Variants in DLGAP2 observed in about 807,000 individuals in gnomAD.
DLGAP2 encodes the protein disks large-associated protein 2.
DLGAP2 carries 26 observed loss-of-function variants against 100.3 expected under a neutral mutation model. That is an observed-to-expected ratio of 0.26 (90% CI 0.19 to 0.36). The LOEUF (loss-of-function observed/expected upper bound fraction) is 0.36, where lower values mean the gene tolerates loss of function less well. Among genes scored for constraint, DLGAP2 ranks in the 10% least tolerant of loss-of-function variants. The pLI is 1.00. For synonymous variants in DLGAP2, 886 were observed against 630.1 expected (o/e 1.41, Z -6.08); for missense variants, 1,858 against 1,453.2 (o/e 1.28, Z -4.53).
chr8:1,344,051 C>T (rs1801483387), intron 3 of DLGAP2, among the ~76,000 whole-genome samples: 2 of 109,260 alleles, frequency 1.8e-5, no homozygotes, highest in South Asian at 6.4e-4. Context: ...CAGGTCCTGT[C>T]TTTACAGTAA....
chr8:1,408,172 A>G (rs1170357098), intron 3 of DLGAP2, among the ~76,000 whole-genome samples: 1 of 152,180 alleles, frequency 6.6e-6, no homozygotes, highest in South Asian at 2.1e-4. Flanking sequence ...TCCAGCTAGC[A>G]TTTTATTCCC....
chr8:1,169,350 G>T (rs1295127342), intron 2 of DLGAP2, among the ~76,000 whole-genome samples: 3 of 152,176 alleles, frequency 2.0e-5, no homozygotes, highest in Non-Finnish European at 4.4e-5. Context: ...GCTTAGGATT[G>T]ACTTGGCGAT....
chr8:1,536,978 C>T (rs1377391587), intron 4 of DLGAP2, among the ~76,000 whole-genome samples: 1 of 152,056 alleles, frequency 6.6e-6, no homozygotes, highest in Non-Finnish European at 1.5e-5. Context: ...TAATGCTCAC[C>T]ACGACCCTCC....
chr8:1,344,666 T>C (rs1563095439), intron 3 of DLGAP2, among the ~76,000 whole-genome samples: 1 of 152,148 alleles, frequency 6.6e-6, no homozygotes, highest in South Asian at 2.1e-4. Flanking sequence ...GCTCCACTCA[T>C]TCTCCACTCA....
intron 2 of DLGAP2, among the ~76,000 whole-genome samples, chr8:1,010,299 GAT>G (rs1373240403): frequency 8.1e-5 from 10 of 124,164 alleles, no homozygotes; most frequent in African/African-American, 3.3e-4. Flanking sequence ...TGTACACTCA[GAT>G]ATCAGTTTTA....
chr8:1,553,050 C>T (rs1250525157), intron 5 of DLGAP2, among the ~76,000 whole-genome samples: 2 of 152,214 alleles, frequency 1.3e-5, no homozygotes, highest in Non-Finnish European at 2.9e-5. Flanking sequence ...TCCACCGAAA[C>T]TCCCAGGGAC....
intron 2 of DLGAP2, among the ~76,000 whole-genome samples, chr8:1,145,187 C>A (rs926330514): frequency 5.9e-5 from 9 of 152,104 alleles, no homozygotes; most frequent in Non-Finnish European, 1.2e-4. Context: ...CCCCCAGCCA[C>A]CATCCAGAAA....
chr8:1,073,223 T>C (rs1029505596), intron 2 of DLGAP2, among the ~76,000 whole-genome samples: 9 of 152,226 alleles, frequency 5.9e-5, no homozygotes, highest in Non-Finnish European at 1.0e-4. Context: ...CTTTCTCTTC[T>C]GCTATTGGAA....
intron 3 of DLGAP2, among the ~76,000 whole-genome samples, chr8:1,446,265 T>A (rs1340627565): frequency 6.6e-6 from 1 of 152,220 alleles, no homozygotes; most frequent in East Asian, 1.9e-4. Flanking sequence ...AATTAATTTT[T>A]GTATAAGGTG....
chr8:1,250,200 C>T (rs545662992), intron 2 of DLGAP2, among the ~76,000 whole-genome samples: 64 of 117,288 alleles, frequency 5.5e-4, no homozygotes, highest in South Asian at 1.8e-3. Flanking sequence ...GCTAAGCTCA[C>T]TGTGAAGATA....
intron 2 of DLGAP2, among the ~76,000 whole-genome samples, chr8:1,153,539 C>T (rs904300516): frequency 8.6e-5 from 13 of 151,894 alleles, no homozygotes; most frequent in African/African-American, 2.4e-4. Flanking sequence ...GTATATGGTG[C>T]CCACCGAGTT....
chr8:1,632,558 C>G (rs1029308502), intron 7 of DLGAP2, among the ~76,000 whole-genome samples: 2 of 152,210 alleles, frequency 1.3e-5, no homozygotes, highest in Admixed American at 1.3e-4. Flanking sequence ...TTTGTAATAA[C>G]TGTCAGCCTT....
chr8:1,196,216 C>T (rs1027931114), intron 2 of DLGAP2, among the ~76,000 whole-genome samples: 4 of 152,242 alleles, frequency 2.6e-5, no homozygotes, highest in African/African-American at 9.6e-5. Flanking sequence ...AAATATCCTT[C>T]AATTCTTTTA....
chr8:1,139,030 G>A (rs968108825), intron 2 of DLGAP2, among the ~76,000 whole-genome samples: 3 of 152,242 alleles, frequency 2.0e-5, no homozygotes, highest in African/African-American at 4.8e-5. Flanking sequence ...GGCTGGTTAC[G>A]CACTGTTCTA....
chr8:947,793 T>C (rs7009492), intron 2 of DLGAP2, among the ~76,000 whole-genome samples: 8,092 of 152,042 alleles, frequency 0.053, 721 homozygotes, highest in African/African-American at 0.19. Flanking sequence ...GCATGTGCCA[T>C]GGCTCCCCGA....
chr8:1,645,195 T>C (rs750327818), intron 8 of DLGAP2, among the ~76,000 whole-genome samples: 3 of 152,258 alleles, frequency 2.0e-5, no homozygotes, highest in Non-Finnish European at 4.4e-5. Context: ...GACTTAAAGA[T>C]GGTTGGACTT....
In DLGAP2 at chr8:1,330,636, CGAGTTCTGGGTGGGACT is replaced by C. The variant is rs1158132121; in HGVS notation, c.106+71769_106+71785del. Among the ~76,000 whole-genome samples the C allele has an allele frequency of 6.7e-5, 7 of 104,134 alleles. No homozygotes were observed. The East Asian group carries it at 1.3e-3, about 20-fold the overall frequency. 68.3% of individuals were successfully genotyped at this position (104,134 alleles called of 152,430 possible). A position where few individuals can be genotyped will look rare whatever the true frequency, so the allele number is the denominator to read the frequency against. On this transcript the variant is annotated intron_variant, in intron 3 of 14. Coordinates refer to ENST00000637795, the MANE Select transcript of DLGAP2 (RefSeq NM_001346810.2). ...GGTGGGAGCACCGCTTCACGGGGACCGAGTTCTGGGTGGGACTGAGTTCTGGGTGGGAGCACCGCTTC... is the reference window on the plus strand; with the variant it reads ...GGTGGGAGCACCGCTTCACGGGGACCGAGTTCTGGGTGGGAGCACCGCTTC...
chr8:1,227,934 A>G (rs1798455288), intron 2 of DLGAP2, among the ~76,000 whole-genome samples: 1 of 152,214 alleles, frequency 6.6e-6, no homozygotes, highest in Admixed American at 6.5e-5. Context: ...ATGGGTAACT[A>G]TGTGAGATGA....
intron 3 of DLGAP2, among the ~76,000 whole-genome samples, chr8:1,488,037 T>C (rs1355922794): frequency 6.7e-6 from 1 of 149,846 alleles, no homozygotes; most frequent in Non-Finnish European, 1.5e-5. Context: ...CTGAGAGTCT[T>C]CGTTGAGGAG....
Sources: gnomAD v4.1 joint callset for allele counts (sites outside exome capture counted in the v4.1 genomes callset) on GRCh38, gnomAD v4.1.1 for gene constraint, MANE v1.5 for transcripts, NCBI Gene and HGNC (gene_info 2026-07-23, HGNC 2026-07-21) for gene names.